The following PCDHB11 variants were observed in gnomAD, a reference collection of about 807,000 sequenced individuals.
PCDHB11 encodes protocadherin beta 11.
For synonymous variants in PCDHB11, 522 were observed against 442.0 expected (o/e 1.18, Z -2.27); for missense variants, 1,151 against 1,003.4 (o/e 1.15, Z -1.99).
rs564747139 is a variant in PCDHB11, at chr5:141,202,467, AT to A, written c.*313del. 10,643 of 171,884 alleles carry A rather than the reference AT, an allele frequency of 0.062. 115 individuals carry two copies. The highest frequency in any genetic ancestry group is 0.086 in the African/African-American group (3,398 of 39,350). 10.6% of individuals were successfully genotyped at this position (171,884 alleles called of 1,614,324 possible). ...GGCGCCCACCACCACGCTCGGCTAA[AT>A]TTTTTTTTTTTTTATCTTTAGTAGA... On this transcript the variant is annotated 3_prime_UTR_variant, in exon 1 of 1. Transcript: ENST00000354757.
chr5:141,200,538 G>A lies in PCDHB11; in HGVS notation c.764G>A (p.Ser255Asn), dbSNP rs782366415. The change falls in exon 1 of 1, where the codon AGC becomes AAC. Residue 255 changes from serine to asparagine, a missense_variant. Physicochemically the swap from Ser to Asn is conservative, Grantham distance 46. Coordinates refer to ENST00000354757, the MANE Select transcript of PCDHB11 (RefSeq NM_018931.3). ...AFYEVKIREN[S>N]ILGSLILIVS... is the part of the protein sequence containing the mutation. ...TATGAGGTGAAGATTCGGGAGAATA[G>A]CATCCTTGGCTCGCTGATTTTGATT... 4.3e-6 allele frequency: 7 copies of A among 1,614,166 alleles called. No individual in the cohort carries two copies. Among genetic ancestry groups the A allele is most frequent in the African/African-American group, 1.3e-5 (1 of 75,024 alleles).
In PCDHB11 at chr5:141,199,708, T is replaced by C; in HGVS notation, c.-67T>C. The C allele has an allele frequency of 7.1e-7, 1 of 1,403,888 alleles. No homozygotes were observed. The highest frequency in any genetic ancestry group is 1.3e-5 in the South Asian group (1 of 75,494). The allele number at this position is 1,403,888 out of a possible 1,614,324, so 87.0% of individuals were successfully genotyped here. A position where few individuals can be genotyped will look rare whatever the true frequency, so the allele number is the denominator to read the frequency against. ...AATCCTTAGACCACAGAGGATTTGG[T>C]GGACAAGTCAGAGACGCGTTCCGCA... On this transcript the variant is annotated 5_prime_UTR_variant, in exon 1 of 1. Transcript: ENST00000354757.
At position 141,201,416 on chromosome 5, in the gene PCDHB11, C is replaced by A. The variant is rs1430359532; in HGVS notation, c.1642C>A (p.Arg548Ser). 4 of 1,611,610 alleles carry A rather than the reference C, an allele frequency of 2.5e-6. No individual in the cohort carries two copies. Among genetic ancestry groups the A allele is most frequent in the South Asian group, 1.1e-5 (1 of 90,976 alleles). The change falls in exon 1 of 1, where the codon CGC (arginine) becomes AGC (serine). Residue 548 changes from arginine (R) to serine (S), a missense_variant. Physicochemically the swap from Arg to Ser is moderately radical, Grantham distance 110 (BLOSUM62 -1). Coordinates refer to ENST00000354757, the MANE Select transcript of PCDHB11 (RefSeq NM_018931.3). ...GGCTTTGAGCAGCGAGGCGCTGGTG[C>A]GCGTGCTGGTGCTGGACGCCAACGA... is the stretch of plus-strand genomic sequence containing the variant. ...SPALSSEALV[R>S]VLVLDANDNS...
rs549292417 is a variant in PCDHB11 at position 141,201,609 on chromosome 5, C to A, written c.1835C>A (p.Pro612His). ...LSYQLLKATEPGLFGVWAHNG... is the reference protein window; with the variant it reads ...LSYQLLKATEHGLFGVWAHNG... ...TACCAGCTGCTCAAGGCCACGGAGCCCGGGCTATTCGGCGTGTGGGCGCAC... is the reference window on the plus strand; with the variant it reads ...TACCAGCTGCTCAAGGCCACGGAGCACGGGCTATTCGGCGTGTGGGCGCAC... The change falls in exon 1 of 1, where the codon CCC becomes CAC. Residue 612 changes from proline (P) to histidine (H), a missense_variant. By Grantham distance (77) the Pro-to-His change is moderately conservative. Transcript: ENST00000354757. The A allele has an allele frequency of 6.2e-7, 1 of 1,608,122 alleles. No individual in the cohort carries two copies. The highest frequency in any genetic ancestry group is 1.1e-5 in the South Asian group (1 of 90,914).
Position 141,200,757 on chromosome 5 carries a change from T to C in PCDHB11, c.983T>C (p.Phe328Ser). The C allele has an allele frequency of 1.2e-6, 2 of 1,614,180 alleles. No individual in the cohort carries two copies. The highest frequency in any genetic ancestry group is 1.7e-6 in the Non-Finnish European group (2 of 1,180,046). The change falls in exon 1 of 1, where the codon TTT becomes TCT. Residue 328 changes from phenylalanine (F) to serine (S), a missense_variant. Physicochemically the swap from Phe to Ser is radical, Grantham distance 155. Coordinates refer to ENST00000354757, the MANE Select transcript of PCDHB11 (RefSeq NM_018931.3). ...IIQATDGGGL[F>S]GKSTVIIHVI... is the part of the protein sequence containing the mutation. ...CAAGCCACAGATGGGGGAGGACTTT[T>C]TGGAAAATCTACAGTCATAATTCAC... is the stretch of plus-strand genomic sequence containing the variant.
chr5:141,201,443 A>G lies in PCDHB11; in HGVS notation c.1669A>G (p.Asn557Asp), dbSNP rs782179685. 20 of 1,611,384 alleles carry G rather than the reference A, an allele frequency of 1.2e-5. No individual in the cohort carries two copies. The South Asian group carries it at 2.1e-4, about 17-fold the overall frequency. Residue 557 changes from asparagine to aspartate, a missense_variant, in exon 1 of 1, where the codon AAC becomes GAC. Physicochemically the swap from Asn to Asp is conservative, Grantham distance 23. Coordinates refer to ENST00000354757, the MANE Select transcript of PCDHB11 (RefSeq NM_018931.3). The part of the protein sequence containing the change: ...VRVLVLDAND[N>D]SPFVLYPLQN... ...CGTGCTGGTGCTGGACGCCAACGACAACTCGCCCTTCGTGCTGTACCCGCT... is the reference window on the plus strand; with the variant it reads ...CGTGCTGGTGCTGGACGCCAACGACGACTCGCCCTTCGTGCTGTACCCGCT...
rs144645252 is a variant in PCDHB11, at chr5:141,201,364, C to A, written c.1590C>A (p.Arg530=). 3.7e-6 allele frequency: 6 copies of A among 1,612,820 alleles called. No individual in the cohort carries two copies. The African/African-American group carries it at 8.0e-5, about 22-fold the overall frequency. The change falls in exon 1 of 1, where the codon CGC becomes CGA. Residue 530 remains arginine (R), a synonymous_variant. Coordinates refer to ENST00000354757, the MANE Select transcript of PCDHB11 (RefSeq NM_018931.3). ...DYEALQAFDF[R]VGATDRGSPA... is the part of the protein sequence containing the mutation. ...AGGCCCTGCAGGCTTTCGACTTCCG[C>A]GTGGGCGCCACAGACCGCGGCTCCC...
chr5:141,201,313 G>A lies in PCDHB11; in HGVS notation c.1539G>A (p.Leu513=). ...CCATCAACACAGACAACGGCCACCT[G>A]TTCGCCCTCAGGTCGCTGGACTACG... ...LVSINTDNGH[L]FALRSLDYEA... Residue 513 remains leucine (L), a synonymous_variant, in exon 1 of 1, where the codon CTG becomes CTA. Coordinates refer to ENST00000354757, the MANE Select transcript of PCDHB11 (RefSeq NM_018931.3). 1 of 1,613,602 alleles carries A rather than the reference G, an allele frequency of 6.2e-7. No homozygotes were observed. The highest frequency in any genetic ancestry group is 1.1e-5 in the South Asian group (1 of 91,048).
rs368139051 is a variant in PCDHB11, at chr5:141,200,252, T to C, written c.478T>C (p.Leu160=). The change falls in exon 1 of 1, where the codon TTA becomes CTA. Residue 160 remains leucine, a synonymous_variant. Transcript: ENST00000354757. ...AVFLLESAKD[L]DVGINAVKSY... Reference sequence around the variant, plus strand: ...GTTCTTACTAGAAAGTGCGAAGGATTTAGATGTAGGAATCAATGCTGTAAA... The same window carrying C: ...GTTCTTACTAGAAAGTGCGAAGGATCTAGATGTAGGAATCAATGCTGTAAA... The C allele has an allele frequency of 6.8e-6, 11 of 1,614,008 alleles. No homozygotes were observed. In the African/African-American group the frequency reaches 1.3e-4, roughly 20 times the overall value.
At position 141,200,821 on chromosome 5, in the gene PCDHB11, G is replaced by A. The variant is rs782527615; in HGVS notation, c.1047G>A (p.Val349=). 1.9e-6 allele frequency: 3 copies of A among 1,614,178 alleles called. No homozygotes were observed. Among genetic ancestry groups the A allele is most frequent in the East Asian group, 2.2e-5 (1 of 44,884 alleles). Residue 349 remains valine (V), a synonymous_variant, in exon 1 of 1, where the codon GTG becomes GTA. Coordinates refer to ENST00000354757, the MANE Select transcript of PCDHB11 (RefSeq NM_018931.3). The part of the protein sequence containing the change: ...DVNDNAPEIT[V]SSITSPIPEN... ...ATGACAATGCTCCTGAAATCACTGT[G>A]TCATCAATTACCAGTCCAATCCCAG...
Position 141,202,822 on chromosome 5 carries a change from G to C in PCDHB11, c.*654G>C, listed in dbSNP as rs913640370. The C allele has an allele frequency of 6.6e-6, 1 of 151,722 alleles. No individual in the cohort carries two copies. The highest frequency in any genetic ancestry group is 2.4e-5 in the African/African-American group (1 of 41,290). The allele number at this position is 151,722 out of a possible 1,614,324, so 9.4% of individuals were successfully genotyped here. On this transcript the variant is annotated 3_prime_UTR_variant, in exon 1 of 1. Transcript: ENST00000354757. ...AGACGGATCGTCACCATATTTCTTA[G>C]GCTGGCCTTTAACTTCTGAGCTCAA...
In PCDHB11 at chr5:141,201,398, AGCAGCGAG is replaced by A. The variant is rs1406649021; in HGVS notation, c.1627_1634del (p.Ser543AlafsTer130). The A allele has an allele frequency of 1.2e-5, 19 of 1,612,092 alleles. No homozygotes were observed. The highest frequency in any genetic ancestry group is 1.5e-5 in the Non-Finnish European group (18 of 1,179,840). ...CACAGACCGCGGCTCCCCGGCTTTG[AGCAGCGAG>A]GCGCTGGTGCGCGTGCTGGTGCTGG... On this transcript the variant is annotated frameshift_variant, in exon 1 of 1. Transcript: ENST00000354757. LOFTEE classifies it low-confidence loss of function (END_TRUNC).
At position 141,201,959 on chromosome 5, in the gene PCDHB11, A is replaced by C. The variant is rs781907322; in HGVS notation, c.2185A>C (p.Lys729Gln). ...CTCGGTGGGAAGCTGCTCGGTGCCT[A>C]AGGGCCCCTTTCCAGGGCATCTGGT... is the stretch of plus-strand genomic sequence containing the variant. ...AASVGSCSVP[K>Q]GPFPGHLVDV... Residue 729 changes from lysine (K) to glutamine (Q), a missense_variant, in exon 1 of 1, where the codon AAG becomes CAG. Physicochemically the swap from Lys to Gln is moderately conservative, Grantham distance 53. Coordinates refer to ENST00000354757, the MANE Select transcript of PCDHB11 (RefSeq NM_018931.3). 1.9e-6 allele frequency: 3 copies of C among 1,613,844 alleles called. 1 individual carries two copies. In the South Asian group the frequency reaches 3.3e-5, roughly 18 times the overall value.
chr5:141,202,467 A>AT lies in PCDHB11; in HGVS notation c.*313dup, dbSNP rs564747139. 0.023 allele frequency: 3,942 copies of AT among 173,046 alleles called. 47 individuals carry two copies. Among genetic ancestry groups the AT allele is most frequent in the African/African-American group, 0.049 (1,933 of 39,400 alleles). The allele number at this position is 173,046 out of a possible 1,614,324, so 10.7% of individuals were successfully genotyped here. A position where few individuals can be genotyped will look rare whatever the true frequency, so the allele number is the denominator to read the frequency against. On this transcript the variant is annotated 3_prime_UTR_variant, in exon 1 of 1. Coordinates refer to ENST00000354757, the MANE Select transcript of PCDHB11 (RefSeq NM_018931.3). Reference sequence around the variant, plus strand: ...GGCGCCCACCACCACGCTCGGCTAAATTTTTTTTTTTTTTATCTTTAGTAG... The same window carrying AT: ...GGCGCCCACCACCACGCTCGGCTAAATTTTTTTTTTTTTTTATCTTTAGTAG...
rs61743184 is a variant in PCDHB11 at position 141,200,261 on chromosome 5, G to A, written c.487G>A (p.Gly163Arg). The change falls in exon 1 of 1, where the codon GGA becomes AGA. Residue 163 changes from glycine to arginine, a missense_variant. Gly to Arg is a moderately radical substitution (Grantham distance 125). Transcript: ENST00000354757. ...AGAAAGTGCGAAGGATTTAGATGTAGGAATCAATGCTGTAAAAAGCTACAC... is the reference window on the plus strand; with the variant it reads ...AGAAAGTGCGAAGGATTTAGATGTAAGAATCAATGCTGTAAAAAGCTACAC... Reference protein sequence around the residue: ...LLESAKDLDVGINAVKSYTIS... With the variant: ...LLESAKDLDVRINAVKSYTIS... 18,177 of 1,614,118 alleles carry A rather than the reference G, an allele frequency of 0.011. 125 individuals are homozygous for A. Among genetic ancestry groups the A allele is most frequent in the Middle Eastern group, 0.019 (117 of 6,062 alleles).
In PCDHB11 at chr5:141,200,980, G is replaced by T. The variant is rs141874446; in HGVS notation, c.1206G>T (p.Thr402=). 2.5e-6 allele frequency: 4 copies of T among 1,614,152 alleles called. No individual in the cohort carries two copies. The highest frequency in any genetic ancestry group is 1.3e-5 in the African/African-American group (1 of 75,022). ...AATCTTCAGTTGAGAATTACTACAC[G>T]TTGGAAACAGAGAGACCACTGGACA... ...VLKSSVENYY[T]LETERPLDRE... The change falls in exon 1 of 1, where the codon ACG becomes ACT. Residue 402 remains threonine (T), a synonymous_variant. Coordinates refer to ENST00000354757, the MANE Select transcript of PCDHB11 (RefSeq NM_018931.3).
Position 141,199,806 on chromosome 5 carries a change from T to C in PCDHB11, c.32T>C (p.Ile11Thr). The C allele has an allele frequency of 6.2e-7, 1 of 1,614,200 alleles. No homozygotes were observed. The highest frequency in any genetic ancestry group is 1.1e-5 in the South Asian group (1 of 91,084). ...AACCAAGGGACACGCACTCAGCAGA[T>C]AAGGCAAGTCCTGCTTCTCTTTGTT... MENQGTRTQQ[I>T]RQVLLLFVLL... The change falls in exon 1 of 1, where the codon ATA becomes ACA. Residue 11 changes from isoleucine (I) to threonine (T), a missense_variant. By Grantham distance (89) the Ile-to-Thr change is moderately conservative (BLOSUM62 -1). Transcript: ENST00000354757.
chr5:141,201,763 G>C lies in PCDHB11; in HGVS notation c.1989G>C (p.Val663=). Reference sequence around the variant, plus strand: ...CCGCCACGCTGCAAGTGCTCCTGGTGGACGGCTTCTCCCAGCCCTACCTGC... The same window carrying C: ...CCGCCACGCTGCAAGTGCTCCTGGTCGACGGCTTCTCCCAGCCCTACCTGC... The part of the protein sequence containing the change: ...SATATLQVLL[V]DGFSQPYLPL... The change falls in exon 1 of 1, where the codon GTG becomes GTC. Residue 663 remains valine (V), a synonymous_variant. Coordinates refer to ENST00000354757, the MANE Select transcript of PCDHB11 (RefSeq NM_018931.3). 6.2e-7 allele frequency: 1 copy of C among 1,609,398 alleles called. No individual in the cohort carries two copies. The highest frequency in any genetic ancestry group is 8.5e-7 in the Non-Finnish European group (1 of 1,179,762).
Position 141,200,570 on chromosome 5 carries a change from G to C in PCDHB11, c.796G>C (p.Ala266Pro). ...TGGCTCGCTGATTTTGATTGTCTCA[G>C]CTTGGGATTTAGACTCTGGAACAAA... ...ILGSLILIVS[A>P]WDLDSGTNGE... The change falls in exon 1 of 1, where the codon GCT becomes CCT. Residue 266 changes from alanine (A) to proline (P), a missense_variant. Ala to Pro is a conservative substitution (Grantham distance 27). Coordinates refer to ENST00000354757, the MANE Select transcript of PCDHB11 (RefSeq NM_018931.3). 6.2e-7 allele frequency: 1 copy of C among 1,614,164 alleles called. No homozygotes were observed. Among genetic ancestry groups the C allele is most frequent in the Non-Finnish European group, 8.5e-7 (1 of 1,180,028 alleles).
Sources: gnomAD v4.1 joint callset for allele counts on GRCh38, gnomAD v4.1.1 for gene constraint, MANE v1.5 for transcripts, NCBI Gene and HGNC (gene_info 2026-07-23, HGNC 2026-07-21) for gene names.